QKI: variants seen among roughly 807,000 people sequenced by gnomAD.
QKI encodes QKI, KH domain containing RNA binding, also known as KH domain-containing RNA-binding protein QKI.
In QKI, 10 loss-of-function variants were observed where a neutral mutation model predicts 39.0. The observed-to-expected ratio is 0.26, with a 90% CI of 0.16 to 0.43. The LOEUF (loss-of-function observed/expected upper bound fraction) is 0.43. Ranked by LOEUF, QKI falls within the 20% of genes least tolerant of loss-of-function variation. The pLI is 1.00. For missense variants in QKI, 218 were observed against 428.0 expected, an observed-to-expected ratio of 0.51 and a Z score of 4.33; for synonymous variants, 204 against 155.4, an observed-to-expected ratio of 1.31 and a Z score of -2.33.
intron 1 of QKI, 118 bp downstream of exon 1, chr6:163,415,453 G>T (rs997669943): frequency 1.5e-5 from 16 of 1,034,924 alleles, no homozygotes; most frequent in Admixed American, 1.3e-4. Context: ...GCGCCGGGGG[G>T]ACTGGGAGGC....
intron 3 of QKI, among the ~76,000 whole-genome samples, chr6:163,499,541 T>C (rs2038148): frequency 0.79 from 119,641 of 152,172 alleles, 47,210 homozygotes; most frequent in East Asian, 0.99. Flanking sequence ...GAATTTGTTT[T>C]GTTAGCATCA....
intron 3 of QKI, among the ~76,000 whole-genome samples, chr6:163,487,616 G>C (rs534616393): frequency 6.6e-6 from 1 of 151,556 alleles, no homozygotes; most frequent in South Asian, 2.1e-4. Context: ...CTCTTTCTTG[G>C]CTTCACTGGG....
chr6:163,524,300 G>A (rs1054139730), intron 3 of QKI, among the ~76,000 whole-genome samples: 1 of 151,764 alleles, frequency 6.6e-6, no homozygotes, highest in African/African-American at 2.4e-5. Flanking sequence ...TCATGTAATG[G>A]TTAATATATT....
chr6:163,422,973 G>A (rs1788105903), intron 1 of QKI, among the ~76,000 whole-genome samples: 1 of 152,218 alleles, frequency 6.6e-6, no homozygotes, highest in African/African-American at 2.4e-5. Context: ...TTAGGGAAAT[G>A]CATAGTAAGA....
intron 3 of QKI, among the ~76,000 whole-genome samples, chr6:163,531,933 A>C (rs1302578245): frequency 1.3e-5 from 2 of 152,246 alleles, no homozygotes; most frequent in Non-Finnish European, 2.9e-5. Flanking sequence ...AAGTGTAAGC[A>C]AAAATGTTGA....
chr6:163,442,768 G>C (rs892684298), intron 1 of QKI, among the ~76,000 whole-genome samples: 1 of 152,062 alleles, frequency 6.6e-6, no homozygotes, highest in African/African-American at 2.4e-5. Context: ...GAAGGGAGTT[G>C]GTGATAGGAT....
chr6:163,429,044 G>T (rs1411242284), intron 1 of QKI: 1 of 152,196 alleles, frequency 6.6e-6, no homozygotes, highest in African/African-American at 2.4e-5. Context: ...ATTCCTGGAA[G>T]AAGCAGTGGT....
intron 3 of QKI, among the ~76,000 whole-genome samples, chr6:163,518,436 T>C (rs913969352): frequency 3.9e-5 from 6 of 152,042 alleles, no homozygotes; most frequent in African/African-American, 1.4e-4. Context: ...ATAGATACTG[T>C]TTTTTGTGGG....
intron 1 of QKI, among the ~76,000 whole-genome samples, chr6:163,449,071 A>C (rs916038193): frequency 4.1e-4 from 63 of 152,252 alleles, no homozygotes; most frequent in Admixed American, 9.8e-4. Flanking sequence ...AAAAACGAGT[A>C]ATTTGTTATT....
intron 3 of QKI, among the ~76,000 whole-genome samples, chr6:163,505,027 C>G (rs1779009548): frequency 6.6e-6 from 1 of 152,214 alleles, no homozygotes; most frequent in East Asian, 1.9e-4. Flanking sequence ...AGCTCCAGCT[C>G]TAGCTGTAGC....
intron 2 of QKI, among the ~76,000 whole-genome samples, chr6:163,475,434 T>C (rs985728071): frequency 2.0e-5 from 3 of 152,192 alleles, no homozygotes; most frequent in African/African-American, 4.8e-5. Flanking sequence ...AAAGATGATA[T>C]AAATTATATT....
intron 6 of QKI, chr6:163,563,925 G>T: frequency 7.1e-7 from 1 of 1,401,228 alleles, no homozygotes; most frequent in East Asian, 2.6e-5. Flanking sequence ...GATCCACTTT[G>T]GTAACTGAGG....
chr6:163,549,304 A>C (rs1281316785), intron 4 of QKI, among the ~76,000 whole-genome samples: 2 of 152,204 alleles, frequency 1.3e-5, no homozygotes, highest in Non-Finnish European at 2.9e-5. Flanking sequence ...AAGTATGGAC[A>C]GGAAAGGGTA....
chr6:163,510,809 A>C (rs1023197932), intron 3 of QKI, among the ~76,000 whole-genome samples: 1 of 152,200 alleles, frequency 6.6e-6, no homozygotes, highest in African/African-American at 2.4e-5. Context: ...AATACATGAA[A>C]ACTGACTAAA....
chr6:163,569,573 G>A, intron 7 of QKI: 1 of 1,129,962 alleles, frequency 8.8e-7, no homozygotes, highest in Non-Finnish European at 1.1e-6. Flanking sequence ...GACAAAGGTT[G>A]ATTAAGGAAG....
chr6:163,467,951 T>A (rs1791898261), intron 2 of QKI, among the ~76,000 whole-genome samples: 1 of 152,190 alleles, frequency 6.6e-6, no homozygotes, highest in Non-Finnish European at 1.5e-5. Context: ...TTATTGGGAC[T>A]TAACTCCATT....
intron 3 of QKI, among the ~76,000 whole-genome samples, chr6:163,523,149 A>T (rs979027952): frequency 7.9e-5 from 12 of 152,224 alleles, no homozygotes; most frequent in African/African-American, 2.9e-4. Context: ...GTTGTAGATT[A>T]TGGGACTCTG....
At chr6:163,485,493 A>G (rs540058389) in intron 3 of QKI, among the ~76,000 whole-genome samples, 1 of 152,168 alleles carries the variant, frequency 6.6e-6, no homozygotes. Context: ...CCCTTTGGGT[A>G]TATATATGCA....
intron 3 of QKI, among the ~76,000 whole-genome samples, chr6:163,521,821 T>A (rs1391310513): frequency 6.6e-6 from 1 of 152,146 alleles, no homozygotes; most frequent in African/African-American, 2.4e-5. Context: ...ATGCCAGGCC[T>A]GTATTTTTTA....
Sources: gnomAD v4.1 joint callset for allele counts (sites outside exome capture counted in the v4.1 genomes callset) on GRCh38, gnomAD v4.1.1 for gene constraint, MANE v1.5 for transcripts, NCBI Gene and HGNC (gene_info 2026-07-23, HGNC 2026-07-21) for gene names.